The following PTPN11 variants were observed in gnomAD, a reference collection of about 807,000 sequenced individuals.
PTPN11 encodes protein tyrosine phosphatase non-receptor type 11.
Under a neutral mutation model 78.8 loss-of-function variants are expected in PTPN11, and 6 were observed. The ratio of observed to expected loss-of-function variants is 0.08; its 90% CI spans 0.04 to 0.15. PTPN11 has a LOEUF of 0.15. PTPN11 is among the 10% of genes least tolerant of loss of function. The pLI, the probability that PTPN11 is intolerant of heterozygous loss-of-function variation, is 1.00. For missense variants in PTPN11, 386 were observed against 744.8 expected (o/e 0.52, Z 5.61); for synonymous variants, 221 against 263.5 (o/e 0.84, Z 1.56).
chr12:112,479,828 C>A (rs1333980734), intron 9 of PTPN11, among the ~76,000 whole-genome samples: 1 of 152,160 alleles, frequency 6.6e-6, no homozygotes, highest in Admixed American at 6.5e-5. Context: ...AGGGCCAAAT[C>A]ACTCTGCCCC....
chr12:112,431,037 G>A (rs2037704923), intron 1 of PTPN11, among the ~76,000 whole-genome samples: 1 of 152,214 alleles, frequency 6.6e-6, no homozygotes, highest in African/African-American at 2.4e-5. Context: ...TTTGAAGAGG[G>A]CTTTGTCAGC....
chr12:112,486,375 C>T (rs2038675799), intron 10 of PTPN11, 100 bp from the exon 11 acceptor site: 1 of 1,245,780 alleles, frequency 8.0e-7, no homozygotes, highest in African/African-American at 1.5e-5. Context: ...TGGGGAGATT[C>T]TCTTCCTCTC....
In PTPN11 at chr12:112,467,467, A is replaced by G. The variant is rs539293491; in HGVS notation, c.757-5477A>G. On this transcript the variant is annotated intron_variant, in intron 6 of 15. Transcript: ENST00000351677. ...CGATCACATGGCCGGAGTGGTGGCA[A>G]GGGTGGGGTGGGAGCCACGCTCTTT... Among the ~76,000 whole-genome samples, 222 of 152,216 alleles carry G rather than the reference A, an allele frequency of 1.5e-3. 1 individual carries two copies. The highest frequency in any genetic ancestry group is 2.6e-3 in the Non-Finnish European group (180 of 68,008).
intron 11 of PTPN11, among the ~76,000 whole-genome samples, chr12:112,487,570 C>T (rs894738442): frequency 6.6e-6 from 1 of 152,130 alleles, no homozygotes; most frequent in Admixed American, 6.5e-5. Context: ...CTGTGGGCTG[C>T]TGATTCTCCA....
chr12:112,446,521 C>A, intron 2 of PTPN11, 123 bp downstream of exon 2: 1 of 1,430,982 alleles, frequency 7.0e-7, no homozygotes, highest in Non-Finnish European at 9.8e-7. Flanking sequence ...CCCTGGGCTG[C>A]CTTCAGGGTT....
chr12:112,476,700 C>G (rs998447607), intron 7 of PTPN11, among the ~76,000 whole-genome samples: 4 of 152,114 alleles, frequency 2.6e-5, no homozygotes, highest in African/African-American at 9.7e-5. Flanking sequence ...GCCCAGGAGG[C>G]AGAGGTTGCA....
chr12:112,472,492 T>A (rs1159364761), intron 6 of PTPN11, among the ~76,000 whole-genome samples: 1 of 152,204 alleles, frequency 6.6e-6, no homozygotes, highest in Non-Finnish European at 1.5e-5. Flanking sequence ...TTTATATTAT[T>A]TTCAGCATTT....
At chr12:112,477,784 G>T in intron 8 of PTPN11, 54 bp downstream of exon 8, 1 of 1,606,556 alleles carries the variant, frequency 6.2e-7, no homozygotes, top group African/African-American at 1.3e-5. Context: ...GCCTATTTTT[G>T]TATTTTAAAT....
rs1440374195 is a variant in PTPN11 at position 112,450,225 on chromosome 12, T to C, written c.138-93T>C. 4 of 1,206,730 alleles carry C rather than the reference T, an allele frequency of 3.3e-6. No individual in the cohort carries two copies. The Admixed American group carries it at 6.8e-5, about 21-fold the overall frequency. The allele number at this position is 1,206,730 out of a possible 1,614,324, so 74.8% of individuals were successfully genotyped here. ...TCGTTCCTTGGGTTTCTTTCAACAC[T>C]TAGGTAAAATCCGACGTGGAAGATG... On this transcript the variant is annotated intron_variant, in intron 2 of 15. Coordinates refer to ENST00000351677, the MANE Select transcript of PTPN11 (RefSeq NM_002834.5).
chr12:112,476,073 A>C (rs2038497469), intron 7 of PTPN11, among the ~76,000 whole-genome samples: 1 of 152,128 alleles, frequency 6.6e-6, no homozygotes. Flanking sequence ...CCAAAGTGCC[A>C]GGATTACAGG....
At chr12:112,476,188 A>G (rs1390251394) in intron 7 of PTPN11, among the ~76,000 whole-genome samples, 1 of 152,196 alleles carries the variant, frequency 6.6e-6, no homozygotes, top group Non-Finnish European at 1.5e-5. Context: ...GGGAAAGTGA[A>G]GGGATCAATG....
chr12:112,506,983 T>C lies in PTPN11; in HGVS notation c.*1191T>C. ...ATGATGATGATGATGATGATGATGA[T>C]GATGATGATGGTTTTTTCTAATCAG... On this transcript the variant is annotated 3_prime_UTR_variant, in exon 16 of 16. Coordinates refer to ENST00000351677, the MANE Select transcript of PTPN11 (RefSeq NM_002834.5). The C allele has an allele frequency of 3.8e-6, 1 of 261,770 alleles. No individual in the cohort carries two copies. Among genetic ancestry groups the C allele is most frequent in the Non-Finnish European group, 7.7e-6 (1 of 130,394 alleles). The allele number at this position is 261,770 out of a possible 1,614,324, so 16.2% of individuals were successfully genotyped here.
chr12:112,462,596 G>A (rs887351508), intron 6 of PTPN11, among the ~76,000 whole-genome samples: 4 of 152,104 alleles, frequency 2.6e-5, no homozygotes, highest in Admixed American at 1.3e-4. Flanking sequence ...TTTAGCCATA[G>A]TATAAAAAGT....
At chr12:112,476,044 A>G (rs976876797) in intron 7 of PTPN11, among the ~76,000 whole-genome samples, 8 of 152,090 alleles carry the variant, frequency 5.3e-5, no homozygotes, top group Non-Finnish European at 1.2e-4. Context: ...GGCCCAAACT[A>G]TCCTCCTGCC....
intron 7 of PTPN11, among the ~76,000 whole-genome samples, chr12:112,474,763 G>A (rs541306632): frequency 6.6e-6 from 1 of 152,214 alleles, no homozygotes; most frequent in African/African-American, 2.4e-5. Context: ...CTACAGGCAT[G>A]TGCTACCATG....
intron 1 of PTPN11, among the ~76,000 whole-genome samples, chr12:112,421,726 C>T (rs552010835): frequency 2.6e-4 from 39 of 152,172 alleles, no homozygotes; most frequent in Non-Finnish European, 5.1e-4. Flanking sequence ...TTCCTAGGCT[C>T]AATCCATCCC....
intron 13 of PTPN11, among the ~76,000 whole-genome samples, chr12:112,494,050 C>T (rs935323818): frequency 3.9e-5 from 6 of 152,066 alleles, no homozygotes; most frequent in Admixed American, 6.5e-5. Flanking sequence ...GTCAGGAGTT[C>T]GAGACCAGCC....
rs886048964 is a variant in PTPN11, at chr12:112,418,973, G to A, written c.-139G>A. ...GTCTCCGGGATCCCCAGGCCTGGAG[G>A]GGGGTCTGTGCGCGGCCGGCTGGCT... On this transcript the variant is annotated 5_prime_UTR_variant, in exon 1 of 16. Transcript: ENST00000351677. 58 of 1,032,448 alleles carry A rather than the reference G, an allele frequency of 5.6e-5. No individual in the cohort carries two copies. The highest frequency in any genetic ancestry group is 2.0e-4 in the East Asian group (7 of 35,464). 64.0% of individuals were successfully genotyped at this position (1,032,448 alleles called of 1,614,324 possible).
chr12:112,474,387 A>T (rs1328382150), intron 7 of PTPN11, among the ~76,000 whole-genome samples: 1 of 152,020 alleles, frequency 6.6e-6, no homozygotes, highest in African/African-American at 2.4e-5. Context: ...TTTAAAAAAT[A>T]ATAAAATTTT....
Sources: allele counts gnomAD v4.1 joint callset (sites outside exome capture counted in the v4.1 genomes callset), GRCh38; gene constraint gnomAD v4.1.1; transcripts MANE v1.5; gene names NCBI Gene and HGNC (gene_info 2026-07-23, HGNC 2026-07-21).